The following LRBA variants were observed in gnomAD, a reference collection of about 807,000 sequenced individuals.
The protein encoded by LRBA is LPS responsive beige-like anchor protein, also known as lipopolysaccharide-responsive and beige-like anchor protein.
LRBA carries 176 observed loss-of-function variants against 330.0 expected under a neutral mutation model. That is an observed-to-expected ratio of 0.53 (90% CI 0.47 to 0.60). LRBA has a LOEUF of 0.60. LRBA is among the 20% of genes least tolerant of loss of function. The probability of loss-of-function intolerance (pLI) is 0.00; values close to 1 mark genes in which losing one functional copy is unlikely to be tolerated. For missense variants in LRBA, 3,259 were observed against 3,444.8 expected, an observed-to-expected ratio of 0.95 and a Z score of 1.35; for synonymous variants, 1,230 against 1,193.0, an observed-to-expected ratio of 1.03 and a Z score of -0.64.
intron 47 of LRBA, among the ~76,000 whole-genome samples, chr4:150,370,544 T>G (rs1740115486): frequency 6.6e-6 from 1 of 152,106 alleles, no homozygotes; most frequent in Admixed American, 6.6e-5. Context: ...GAAGGGGGAA[T>G]GAATAGGTGG....
intron 17 of LRBA, among the ~76,000 whole-genome samples, chr4:150,874,078 T>C (rs1036147020): frequency 6.6e-6 from 1 of 152,208 alleles, no homozygotes; most frequent in African/African-American, 2.4e-5. Flanking sequence ...ATTAATATAA[T>C]ACCAGTTTAA....
At chr4:150,952,776 A>G (rs1426847569) in intron 2 of LRBA, among the ~76,000 whole-genome samples, 2 of 152,096 alleles carry the variant, frequency 1.3e-5, no homozygotes, top group Admixed American at 1.3e-4. Flanking sequence ...CTCTCTGAGT[A>G]TCTGTCTCTC....
intron 52 of LRBA, among the ~76,000 whole-genome samples, chr4:150,307,946 C>T (rs1553995669): frequency 6.6e-6 from 1 of 151,982 alleles, no homozygotes; most frequent in Non-Finnish European, 1.5e-5. Context: ...TTCCATATAA[C>T]AAACAATAAA....
At chr4:150,941,818 C>T (rs932198014) in intron 2 of LRBA, among the ~76,000 whole-genome samples, 22 of 150,380 alleles carry the variant, frequency 1.5e-4, no homozygotes, top group Middle Eastern at 3.4e-3. Flanking sequence ...GCCTGGGAGG[C>T]GGAGGTTGCA....
chr4:150,930,019 T>C (rs531280531), intron 2 of LRBA, among the ~76,000 whole-genome samples: 1 of 152,134 alleles, frequency 6.6e-6, no homozygotes, highest in South Asian at 2.1e-4. Flanking sequence ...AAGTGAACTT[T>C]AAAAAACAAA....
At chr4:150,874,869 T>C (rs1242492902) in intron 17 of LRBA, among the ~76,000 whole-genome samples, 1 of 152,120 alleles carries the variant, frequency 6.6e-6, no homozygotes, top group African/African-American at 2.4e-5. Flanking sequence ...AGGCATTAAA[T>C]GCACTTGCTT....
At chr4:150,903,185 C>G (rs1730946128) in intron 13 of LRBA, among the ~76,000 whole-genome samples, 1 of 152,032 alleles carries the variant, frequency 6.6e-6, no homozygotes, top group Non-Finnish European at 1.5e-5. Flanking sequence ...AGTTCGAGAC[C>G]AGCCTAAACA....
Position 150,510,730 on chromosome 4 carries a change from G to T in LRBA, c.6331-19695C>A, listed in dbSNP as rs78178792. Among the ~76,000 whole-genome samples, 43 of 152,254 alleles carry T rather than the reference G, an allele frequency of 2.8e-4. No homozygotes were observed. The East Asian group carries it at 8.1e-3, about 29-fold the overall frequency. On this transcript the variant is annotated intron_variant, in intron 40 of 56. Transcript: ENST00000651943. ...TCTATTGTTGCCAAAGCACGCTGGG[G>T]TGTGAGATGTAGAGCTAAGATATTA... is the stretch of plus-strand genomic sequence containing the variant.
intron 43 of LRBA, 104 bp downstream of exon 43, chr4:150,471,520 T>A: frequency 1.6e-6 from 1 of 640,610 alleles, no homozygotes. Flanking sequence ...CTAGTAGCAA[T>A]AACGGCAATA....
chr4:150,967,404 G>A (rs1375347199), intron 2 of LRBA, among the ~76,000 whole-genome samples: 1 of 152,164 alleles, frequency 6.6e-6, no homozygotes, highest in Non-Finnish European at 1.5e-5. Flanking sequence ...CTACTCCCTT[G>A]CCTTTGCTCT....
Position 150,282,562 on chromosome 4 carries a change from A to G in LRBA, c.8204T>C (p.Ile2735Thr), listed in dbSNP as rs373749081. ...ACAATGACCCTCTCTTGAAGCCTGA[A>G]TGAGTTTTGGTTTCAGGCAGTTTTC... ...GPENCLKPKL[I>T]QASREGHCVI... is the part of the protein sequence containing the mutation. Residue 2735 changes from isoleucine (I) to threonine (T), a missense_variant, in exon 55 of 57, where the codon ATT becomes ACT. By Grantham distance (89) the Ile-to-Thr change is moderately conservative. Coordinates refer to ENST00000651943, the MANE Select transcript of LRBA (RefSeq NM_001364905.1). 1.9e-6 allele frequency: 3 copies of G among 1,614,028 alleles called. No homozygotes were observed. The African/African-American group carries it at 4.0e-5, about 22-fold the overall frequency.
chr4:150,598,791 T>C (rs980474758), intron 38 of LRBA, among the ~76,000 whole-genome samples: 15 of 152,300 alleles, frequency 9.8e-5, no homozygotes, highest in South Asian at 2.1e-4. Context: ...GTTAAGTAAG[T>C]TTTGTATGTG....
At chr4:150,659,740 ACG>A (rs1561484731) in intron 37 of LRBA, among the ~76,000 whole-genome samples, 1 of 3,442 alleles carries the variant, frequency 2.9e-4, no homozygotes, top group African/African-American at 4.1e-4. Flanking sequence ...GTCAGCCCCC[ACG>A]CCCGGCCAGC....
At chr4:150,399,174 C>G (rs567238552) in intron 47 of LRBA, among the ~76,000 whole-genome samples, 1 of 152,094 alleles carries the variant, frequency 6.6e-6, no homozygotes, top group African/African-American at 2.4e-5. Context: ...TATTGAAATA[C>G]TGTGCCCATC....
At chr4:150,911,544 G>A (rs368784892) in intron 9 of LRBA, among the ~76,000 whole-genome samples, 13 of 152,142 alleles carry the variant, frequency 8.5e-5, no homozygotes, top group South Asian at 4.1e-4. Context: ...GAAATAAATC[G>A]TAATTTGACA....
chr4:150,992,008 T>C (rs1027762035), intron 2 of LRBA, among the ~76,000 whole-genome samples: 4 of 152,234 alleles, frequency 2.6e-5, no homozygotes, highest in African/African-American at 4.8e-5. Flanking sequence ...GAAAATAACA[T>C]GTAAGCTATG....
intron 46 of LRBA, among the ~76,000 whole-genome samples, chr4:150,426,370 T>C (rs1749608496): frequency 6.6e-6 from 1 of 151,974 alleles, no homozygotes; most frequent in Middle Eastern, 3.4e-3. Context: ...TAAAGAAAAA[T>C]CATGGATTAC....
intron 48 of LRBA, among the ~76,000 whole-genome samples, chr4:150,346,889 G>A (rs1350424199): frequency 2.0e-5 from 3 of 151,572 alleles, no homozygotes; most frequent in African/African-American, 7.3e-5. Context: ...TTGAAAGCAG[G>A]CATTTGAACA....
intron 2 of LRBA, among the ~76,000 whole-genome samples, chr4:150,977,802 G>A (rs1163173483): frequency 1.3e-5 from 2 of 152,238 alleles, no homozygotes; most frequent in Non-Finnish European, 2.9e-5. Context: ...GCTAGTGGGA[G>A]ATGCTCCTCT....
Sources: gnomAD v4.1 joint callset for allele counts (sites outside exome capture counted in the v4.1 genomes callset) on GRCh38, gnomAD v4.1.1 for gene constraint, MANE v1.5 for transcripts, NCBI Gene and HGNC (gene_info 2026-07-23, HGNC 2026-07-21) for gene names.